Variants in PDZD2 observed in about 807,000 individuals in gnomAD.
PDZD2 encodes PDZ domain-containing protein 2.
In PDZD2, 90 loss-of-function variants were observed where a neutral mutation model predicts 220.7. The observed-to-expected ratio is 0.41, with a 90% CI of 0.34 to 0.49. The LOEUF is 0.49. Among genes scored for constraint, PDZD2 ranks in the 20% least tolerant of loss-of-function variants. The pLI is 0.28. For missense variants in PDZD2, 3,174 were observed against 3,608.5 expected (o/e 0.88, Z 3.08); for synonymous variants, 1,375 against 1,450.5 (o/e 0.95, Z 1.18).
At chr5:31,915,830 T>C (rs535370041) in intron 2 of PDZD2, among the ~76,000 whole-genome samples, 1 of 152,316 alleles carries the variant, frequency 6.6e-6, no homozygotes, top group South Asian at 2.1e-4. Flanking sequence ...ATTCTGTCCA[T>C]GGGGAAAAAC....
intron 18 of PDZD2, among the ~76,000 whole-genome samples, chr5:32,077,104 A>G (rs1468844266): frequency 6.6e-6 from 1 of 152,266 alleles, no homozygotes; most frequent in African/African-American, 2.4e-5. Flanking sequence ...CTAAGGAGTT[A>G]GTGTTATAGT....
intron 1 of PDZD2, among the ~76,000 whole-genome samples, chr5:31,686,563 C>T (rs1404885778): frequency 6.6e-6 from 1 of 151,990 alleles, no homozygotes; most frequent in Admixed American, 6.6e-5. Context: ...GACAGGGTTT[C>T]GCCATGTTGG....
chr5:31,980,698 A>G (rs943665138), intron 2 of PDZD2, among the ~76,000 whole-genome samples: 4 of 152,260 alleles, frequency 2.6e-5, no homozygotes, highest in Non-Finnish European at 4.4e-5. Context: ...AATGTTTACA[A>G]TGCAAAGAAA....
At position 31,996,098 on chromosome 5, in the gene PDZD2, G is replaced by A. The variant is rs146614977; in HGVS notation, c.1121+380G>A. Among the ~76,000 whole-genome samples, 721 of 152,260 alleles carry A rather than the reference G, an allele frequency of 4.7e-3. 6 individuals carry two copies. Among genetic ancestry groups the A allele is most frequent in the African/African-American group, 0.017 (687 of 41,554 alleles). On this transcript the variant is annotated intron_variant, in intron 4 of 24. Transcript: ENST00000438447. Reference sequence around the variant, plus strand: ...GATCTTAACTCCCGTAAGACTTGACGAATGACCCGGGAAAGTGATTGGTTT... The same window carrying A: ...GATCTTAACTCCCGTAAGACTTGACAAATGACCCGGGAAAGTGATTGGTTT...
chr5:31,897,668 G>C (rs1024761405), intron 2 of PDZD2, among the ~76,000 whole-genome samples: 1 of 151,858 alleles, frequency 6.6e-6, no homozygotes, highest in Admixed American at 6.6e-5. Context: ...AATCAGTCTA[G>C]TTAAGTACAG....
intron 2 of PDZD2, among the ~76,000 whole-genome samples, chr5:31,804,191 T>C (rs1561472989): frequency 6.6e-6 from 1 of 152,162 alleles, no homozygotes; most frequent in Non-Finnish European, 1.5e-5. Flanking sequence ...CAGCCGTGTG[T>C]GTGCTAGACG....
intron 2 of PDZD2, among the ~76,000 whole-genome samples, chr5:31,841,959 A>C (rs2150285245): frequency 6.6e-6 from 1 of 152,240 alleles, no homozygotes; most frequent in Non-Finnish European, 1.5e-5. Flanking sequence ...TAACAGAGCA[A>C]GACTCCATCT....
At chr5:31,765,526 C>CT (rs1271544902) in intron 1 of PDZD2, among the ~76,000 whole-genome samples, 1 of 152,184 alleles carries the variant, frequency 6.6e-6, no homozygotes, top group African/African-American at 2.4e-5. Context: ...TCCTCTGGCT[C>CT]TATTATCTGA....
At chr5:31,931,204 G>A (rs1745260326) in intron 2 of PDZD2, among the ~76,000 whole-genome samples, 2 of 152,134 alleles carry the variant, frequency 1.3e-5, no homozygotes, top group South Asian at 4.1e-4. Flanking sequence ...TGTATTTTTA[G>A]TAGAGATGGG....
chr5:32,097,737 A>T (rs986115776), intron 22 of PDZD2, among the ~76,000 whole-genome samples: 1 of 151,958 alleles, frequency 6.6e-6, no homozygotes, highest in East Asian at 1.9e-4. Context: ...ATTTTACATC[A>T]TTCAAAAGCC....
intron 2 of PDZD2, among the ~76,000 whole-genome samples, chr5:31,880,202 C>T (rs775988001): frequency 2.0e-4 from 31 of 152,236 alleles, no homozygotes; most frequent in Non-Finnish European, 3.8e-4. Context: ...GGATTACAGG[C>T]GTGAGCCACT....
intron 1 of PDZD2, among the ~76,000 whole-genome samples, chr5:31,654,077 C>T (rs1745454732): frequency 6.6e-6 from 1 of 152,198 alleles, no homozygotes; most frequent in Non-Finnish European, 1.5e-5. Flanking sequence ...GGCCACCGCG[C>T]CTGGCCCCAA....
chr5:31,741,797 TC>T (rs1750282087), intron 1 of PDZD2: 1 of 152,312 alleles, frequency 6.6e-6, no homozygotes, highest in Non-Finnish European at 1.5e-5. Context: ...TGCAACTCTC[TC>T]CTACTGAAAA....
intron 2 of PDZD2, among the ~76,000 whole-genome samples, chr5:31,942,280 T>G (rs1746272029): frequency 6.6e-6 from 1 of 152,170 alleles, no homozygotes; most frequent in Non-Finnish European, 1.5e-5. Context: ...CTGACTAGTC[T>G]TAGAATGTTC....
intron 1 of PDZD2, among the ~76,000 whole-genome samples, chr5:31,645,788 G>A (rs1324388486): frequency 6.6e-6 from 1 of 152,124 alleles, no homozygotes; most frequent in Non-Finnish European, 1.5e-5. Context: ...CTCATATAGT[G>A]TAGAATTAGT....
intron 2 of PDZD2, among the ~76,000 whole-genome samples, chr5:31,949,218 A>ATTTTT (rs773727908): frequency 6.7e-6 from 1 of 148,376 alleles, no homozygotes; most frequent in Non-Finnish European, 1.5e-5. Flanking sequence ...AGAGAATCTC[A>ATTTTT]TTTTTTTTTT....
At chr5:31,809,013 T>C (rs1272699617) in intron 2 of PDZD2, among the ~76,000 whole-genome samples, 1 of 151,952 alleles carries the variant, frequency 6.6e-6, no homozygotes, top group Non-Finnish European at 1.5e-5. Context: ...ACTAATGAAA[T>C]TAGGATGGTT....
At chr5:31,842,650 A>C (rs1757376591) in intron 2 of PDZD2, among the ~76,000 whole-genome samples, 1 of 152,208 alleles carries the variant, frequency 6.6e-6, no homozygotes, top group Non-Finnish European at 1.5e-5. Context: ...CGGAGTGGGT[A>C]AAATAATATC....
intron 14 of PDZD2, among the ~76,000 whole-genome samples, chr5:32,062,659 G>A (rs1168756880): frequency 6.6e-6 from 1 of 152,128 alleles, no homozygotes; most frequent in Admixed American, 6.5e-5. Context: ...CTCCCAAAGT[G>A]CTGGAATTAT....
Sources: gnomAD v4.1 joint callset for allele counts (sites outside exome capture counted in the v4.1 genomes callset) on GRCh38, gnomAD v4.1.1 for gene constraint, MANE v1.5 for transcripts, NCBI Gene and HGNC (gene_info 2026-07-23, HGNC 2026-07-21) for gene names.